The following NAV2 variants were observed in gnomAD, a reference collection of about 807,000 sequenced individuals.
NAV2 encodes neuron navigator 2.
NAV2 carries 54 observed loss-of-function variants against 223.2 expected under a neutral mutation model. The ratio of observed to expected loss-of-function variants is 0.24; its 90% CI spans 0.19 to 0.30. The LOEUF (loss-of-function observed/expected upper bound fraction) is 0.30. NAV2 is among the 10% of genes least tolerant of loss of function. NAV2 has a pLI of 1.00. For missense variants in NAV2, 2,806 were observed against 3,147.5 expected, an observed-to-expected ratio of 0.89 and a Z score of 2.60; for synonymous variants, 1,279 against 1,239.3, an observed-to-expected ratio of 1.03 and a Z score of -0.67.
At chr11:19,705,392 T>C (rs1312627286) in intron 1 of NAV2, among the ~76,000 whole-genome samples, 1 of 152,190 alleles carries the variant, frequency 6.6e-6, no homozygotes, top group East Asian at 1.9e-4. Flanking sequence ...TTATCTTTTA[T>C]TTACATTTTT....
Position 19,446,140 on chromosome 11 carries a change from C to T in NAV2, c.75+95113C>T, listed in dbSNP as rs148549707. Among the ~76,000 whole-genome samples, 459 of 152,266 alleles carry T rather than the reference C, an allele frequency of 3.0e-3. 1 individual carries two copies. Among genetic ancestry groups the T allele is most frequent in the African/African-American group, 0.01 (421 of 41,544 alleles). On this transcript the variant is annotated intron_variant, in intron 1 of 37. Coordinates refer to the NAV2 transcript ENST00000360655. ...TCAGGAAACAACACAAGAAAAACAA[C>T]GATTTGATTATCTAGCTCTACATTC...
chr11:19,782,618 A>G (rs1326653788), intron 1 of NAV2, among the ~76,000 whole-genome samples: 1 of 152,134 alleles, frequency 6.6e-6, no homozygotes, highest in Non-Finnish European at 1.5e-5. Flanking sequence ...ACTCTCCAGG[A>G]CACATGGACC....
chr11:19,716,402 A>G (rs1054860417), intron 1 of NAV2, among the ~76,000 whole-genome samples: 4 of 152,178 alleles, frequency 2.6e-5, no homozygotes, highest in African/African-American at 9.7e-5. Context: ...TAGAGTTGTG[A>G]GCATTAAGAA....
At chr11:20,056,644 A>G (rs1397611061) in intron 19 of NAV2, 10 of 1,562,890 alleles carry the variant, frequency 6.4e-6, no homozygotes, top group South Asian at 2.2e-5. Context: ...TAAGCAGTCA[A>G]AATTCTGTGG....
chr11:19,377,232 G>A (rs1009369171), intron 1 of NAV2, among the ~76,000 whole-genome samples: 1 of 152,228 alleles, frequency 6.6e-6, no homozygotes, highest in Non-Finnish European at 1.5e-5. Flanking sequence ...AAATAGGAAT[G>A]TTGTCAGGGA....
In NAV2 at chr11:19,486,228, C is replaced by T. The variant is rs544899362; in HGVS notation, c.75+135201C>T. Among the ~76,000 whole-genome samples the T allele has an allele frequency of 1.4e-4, 21 of 152,180 alleles. No homozygotes were observed. The South Asian group carries it at 2.5e-3, about 18-fold the overall frequency. On this transcript the variant is annotated intron_variant, in intron 1 of 37. Coordinates refer to the NAV2 transcript ENST00000360655. ...GTGGGTGGAATTGAGGCTGGCTGCC[C>T]GGAAACAGGAAGGTCTTAGGTGCAT...
chr11:19,988,966 C>A (rs2051060739), intron 11 of NAV2, among the ~76,000 whole-genome samples: 1 of 152,172 alleles, frequency 6.6e-6, no homozygotes, highest in African/African-American at 2.4e-5. Context: ...ATGCAATTGG[C>A]GCCCTTACCA....
At chr11:19,647,800 G>T (rs114444002) in intron 1 of NAV2, among the ~76,000 whole-genome samples, 327 of 152,302 alleles carry the variant, frequency 2.1e-3, no homozygotes, top group African/African-American at 6.2e-3. Context: ...AGAGGGCAGA[G>T]GTTCTGGCTC....
chr11:20,073,149 C>T (rs2059505287), intron 22 of NAV2, among the ~76,000 whole-genome samples: 1 of 152,042 alleles, frequency 6.6e-6, no homozygotes, highest in South Asian at 2.1e-4. Flanking sequence ...GCATGAAGGG[C>T]TGTTGAATTT....
intron 1 of NAV2, among the ~76,000 whole-genome samples, chr11:19,745,923 A>T (rs2053295137): frequency 6.6e-6 from 1 of 152,182 alleles, no homozygotes; most frequent in Admixed American, 6.5e-5. Context: ...CCCTGACATA[A>T]AGCACTGGGC....
Position 19,616,304 on chromosome 11 carries a change from CTG to C in NAV2, c.76-216149_76-216148del, listed in dbSNP as rs113035353. Reference sequence around the variant, plus strand: ...CAGAGATAACCATTTTTGCTTCTGACTGTGTGTGTGTGTGTGTGTGTGTGTGT... The same window carrying C: ...CAGAGATAACCATTTTTGCTTCTGACTGTGTGTGTGTGTGTGTGTGTGTGT... On this transcript the variant is annotated intron_variant, in intron 1 of 37. Coordinates refer to the NAV2 transcript ENST00000360655. Among the ~76,000 whole-genome samples the C allele has an allele frequency of 1.4e-3, 200 of 140,698 alleles. 2 individuals carry two copies. The highest frequency in any genetic ancestry group is 4.2e-3 in the African/African-American group (156 of 36,754). The allele number at this position is 140,698 out of a possible 152,430, so 92.3% of individuals were successfully genotyped here. A position where few individuals can be genotyped will look rare whatever the true frequency, so the allele number is the denominator to read the frequency against.
chr11:19,722,110 G>C (rs1269561261), intron 1 of NAV2, among the ~76,000 whole-genome samples: 1 of 152,126 alleles, frequency 6.6e-6, no homozygotes. Flanking sequence ...GGCCAAATTT[G>C]TTTCATGAGG....
chr11:19,529,167 T>C (rs916884514), intron 1 of NAV2, among the ~76,000 whole-genome samples: 13 of 152,228 alleles, frequency 8.5e-5, no homozygotes, highest in African/African-American at 2.9e-4. Flanking sequence ...TTTATTTTTC[T>C]CATGTTATTG....
intron 13 of NAV2, 58 bp from the exon 14 acceptor site, chr11:20,044,910 A>T: frequency 6.9e-7 from 1 of 1,446,410 alleles, no homozygotes; most frequent in Non-Finnish European, 9.4e-7. Flanking sequence ...TCTTAAACAG[A>T]CGAGATGGAT....
intron 1 of NAV2, among the ~76,000 whole-genome samples, chr11:19,492,020 A>C (rs371428569): frequency 1.8e-4 from 28 of 152,142 alleles, no homozygotes; most frequent in African/African-American, 6.8e-4. Flanking sequence ...TCAATGGAGA[A>C]GTCAAAACAT....
At chr11:19,829,507 A>G (rs749028475) in intron 1 of NAV2, among the ~76,000 whole-genome samples, 3 of 152,148 alleles carry the variant, frequency 2.0e-5, no homozygotes, top group Non-Finnish European at 2.9e-5. Context: ...AAAATTTTTT[A>G]TTACTAACTT....
intron 36 of NAV2, among the ~76,000 whole-genome samples, chr11:20,113,807 A>G (rs10833246): frequency 0.11 from 16,598 of 152,104 alleles, 1,465 homozygotes; most frequent in African/African-American, 0.25. Flanking sequence ...CCAGAAGTTC[A>G]AGACCAGCCT....
chr11:19,484,960 C>T (rs1267489650), intron 1 of NAV2, among the ~76,000 whole-genome samples: 1 of 152,196 alleles, frequency 6.6e-6, no homozygotes, highest in Non-Finnish European at 1.5e-5. Context: ...ATCCTCTATC[C>T]ATGGGACAGC....
At chr11:19,813,169 CTGT>C (rs2058926552) in intron 1 of NAV2, among the ~76,000 whole-genome samples, 4 of 152,128 alleles carry the variant, frequency 2.6e-5, no homozygotes, top group Middle Eastern at 3.2e-3. Context: ...AGGGCAGGCA[CTGT>C]TGTTTTTTCT....
Sources: allele counts gnomAD v4.1 joint callset (sites outside exome capture counted in the v4.1 genomes callset), GRCh38; gene constraint gnomAD v4.1.1; transcripts MANE v1.5; gene names NCBI Gene and HGNC (gene_info 2026-07-23, HGNC 2026-07-21).